OPRM1: variants seen among roughly 807,000 people sequenced by gnomAD.
The protein encoded by OPRM1 is mu-type opioid receptor.
In OPRM1, 27 loss-of-function variants were observed where a neutral mutation model predicts 31.8. The ratio of observed to expected loss-of-function variants is 0.85; its 90% CI spans 0.63 to 1.17. The LOEUF (loss-of-function observed/expected upper bound fraction) is 1.17. OPRM1 is among the 50% of genes most tolerant of loss of function. OPRM1 has a pLI of 0.00. For synonymous variants in OPRM1, 196 were observed against 189.9 expected (o/e 1.03, Z -0.26); for missense variants, 536 against 511.1 (o/e 1.05, Z -0.47).
At chr6:154,152,354 A>G (rs1256183770) in intron 3 of OPRM1, among the ~76,000 whole-genome samples, 1 of 147,116 alleles carries the variant, frequency 6.8e-6, no homozygotes, top group Admixed American at 6.7e-5. Context: ...AAAGGAAAGA[A>G]AGAAAGAAAG....
chr6:154,213,422 C>A (rs1778128059), intron 3 of OPRM1: 1 of 153,916 alleles, frequency 6.5e-6, no homozygotes, highest in East Asian at 1.9e-4. Context: ...TATAAATAGA[C>A]AATGGGTACT....
intron 3 of OPRM1, among the ~76,000 whole-genome samples, chr6:154,178,226 C>T (rs141303813): frequency 0.041 from 6,280 of 152,108 alleles, 429 homozygotes; most frequent in African/African-American, 0.14. Flanking sequence ...CACCATGGCA[C>T]ATGTATACCT....
In OPRM1 at chr6:154,192,878, G is replaced by C. The variant is rs762220471; in HGVS notation, c.1165-53815G>C. 4.8e-4 allele frequency among the ~76,000 whole-genome samples: 73 copies of C among 152,168 alleles called. 1 individual carries two copies. The highest frequency in any genetic ancestry group is 2.9e-3 in the Admixed American group (44 of 15,280). ...TAACTAAAAAATAATAGATGTTGGT[G>C]TGGAGGTGGTGAACAGGGATCACTT... On this transcript the variant is annotated intron_variant, in intron 3 of 3. Transcript: ENST00000337049.
At chr6:154,020,755 C>T (rs1005328911) in intron 1 of OPRM1, among the ~76,000 whole-genome samples, 3 of 152,076 alleles carry the variant, frequency 2.0e-5, no homozygotes, top group African/African-American at 4.8e-5. Context: ...AGTGGTATCT[C>T]GTTTTAATTT....
At chr6:154,067,117 A>T (rs1189037643) in intron 1 of OPRM1, among the ~76,000 whole-genome samples, 2 of 151,364 alleles carry the variant, frequency 1.3e-5, no homozygotes, top group Admixed American at 1.3e-4. Context: ...TTTTTGGAAA[A>T]CCAATTTTTG....
At chr6:154,061,794 TG>T (rs781162464) in intron 1 of OPRM1, among the ~76,000 whole-genome samples, 15 of 150,802 alleles carry the variant, frequency 9.9e-5, no homozygotes, top group Non-Finnish European at 1.8e-4. Flanking sequence ...GTAATAAACC[TG>T]CACATGTACT....
At chr6:154,152,812 C>T (rs1798575273) in intron 3 of OPRM1, among the ~76,000 whole-genome samples, 1 of 152,078 alleles carries the variant, frequency 6.6e-6, no homozygotes, top group South Asian at 2.1e-4. Flanking sequence ...TCACTGTAGC[C>T]CCGAACTCCT....
Position 154,152,338 on chromosome 6 carries a change from AG to A in OPRM1, c.1164+60867del, listed in dbSNP as rs1562510650. On this transcript the variant is annotated intron_variant, in intron 3 of 3. Coordinates refer to the OPRM1 transcript ENST00000337049. ...AAGAAAGAAAGAAAGAAAGAAAGAA[AG>A]AAAGAAAGGAAAGAAAGAAAGAAAG... Among the ~76,000 whole-genome samples the A allele has an allele frequency of 8.7e-4, 17 of 19,462 alleles. 1 individual carries two copies. Among genetic ancestry groups the A allele is most frequent in the East Asian group, 3.9e-3 (1 of 256 alleles). 12.8% of individuals were successfully genotyped at this position (19,462 alleles called of 152,430 possible). A position where few individuals can be genotyped will look rare whatever the true frequency, so the allele number is the denominator to read the frequency against.
chr6:154,188,845 A>G (rs1801612712), intron 3 of OPRM1, among the ~76,000 whole-genome samples: 1 of 152,232 alleles, frequency 6.6e-6, no homozygotes, highest in Non-Finnish European at 1.5e-5. Flanking sequence ...CATTCATGGA[A>G]CACATCAAAA....
chr6:154,116,683 G>T (rs1399021304), intron 3 of OPRM1, among the ~76,000 whole-genome samples: 1 of 151,920 alleles, frequency 6.6e-6, no homozygotes, highest in Non-Finnish European at 1.5e-5. Flanking sequence ...AAACCTTATT[G>T]TGGGACATGA....
intron 1 of OPRM1, among the ~76,000 whole-genome samples, chr6:154,018,481 AT>A (rs1250187878): frequency 2.7e-5 from 4 of 147,850 alleles, no homozygotes; most frequent in African/African-American, 1.0e-4. Context: ...GTTCTTTCTC[AT>A]TTTCTATTGT....
intron 3 of OPRM1, among the ~76,000 whole-genome samples, chr6:154,173,338 T>A (rs1247447733): frequency 6.6e-6 from 1 of 152,092 alleles, no homozygotes; most frequent in East Asian, 1.9e-4. Flanking sequence ...TTGACAGAAG[T>A]AGGCTTCAGA....
intron 3 of OPRM1, among the ~76,000 whole-genome samples, chr6:154,206,231 A>G (rs1228178342): frequency 6.6e-6 from 1 of 152,232 alleles, no homozygotes. Context: ...AGCTATGTGT[A>G]TTTCTCTGGA....
Position 154,132,114 on chromosome 6 carries a change from GGT to G in OPRM1, c.*13394_*13395del, listed in dbSNP as rs1374667368. The stretch of plus-strand genomic sequence containing the variant: ...AAAGAACTACCTGCTAAATCATAAT[GGT>G]CTCATGTGCAGATCAAAATGTCAAC... On this transcript the variant is annotated 3_prime_UTR_variant, in exon 4 of 4. Coordinates refer to ENST00000330432, the MANE Select transcript of OPRM1 (RefSeq NM_000914.5). Among the ~76,000 whole-genome samples the G allele has an allele frequency of 1.3e-5, 2 of 151,966 alleles. No individual in the cohort carries two copies. The highest frequency in any genetic ancestry group is 4.8e-5 in the African/African-American group (2 of 41,400).
rs180896076 is a variant in OPRM1 at position 154,107,254 on chromosome 6, G to A, written c.1165-11429G>A. Among the ~76,000 whole-genome samples the A allele has an allele frequency of 1.9e-3, 295 of 152,262 alleles. 1 individual carries two copies. The highest frequency in any genetic ancestry group is 3.3e-3 in the Non-Finnish European group (222 of 68,016). On this transcript the variant is annotated intron_variant, in intron 3 of 3. Transcript: ENST00000330432. Reference sequence around the variant, plus strand: ...CAGACTGTTAAGAGTTTGAATGTCCGCTTTTAATTAAACTGATTTTAACCA... The same window carrying A: ...CAGACTGTTAAGAGTTTGAATGTCCACTTTTAATTAAACTGATTTTAACCA...
intron 1 of OPRM1, chr6:154,087,466 G>T (rs1281979035): frequency 6.1e-6 from 6 of 985,288 alleles, no homozygotes; most frequent in Non-Finnish European, 7.2e-6. Flanking sequence ...CCCAAGGAGG[G>T]CCTGGCTTCA....
At chr6:154,013,386 C>T (rs1157239344) in intron 1 of OPRM1, among the ~76,000 whole-genome samples, 4 of 152,138 alleles carry the variant, frequency 2.6e-5, no homozygotes, top group South Asian at 2.1e-4. Flanking sequence ...TAAGCAATGT[C>T]ATTCAAGTGC....
intron 3 of OPRM1, among the ~76,000 whole-genome samples, chr6:154,166,913 G>A (rs1239965719): frequency 6.6e-6 from 1 of 152,146 alleles, no homozygotes; most frequent in Non-Finnish European, 1.5e-5. Context: ...AAATAAGAGT[G>A]AATTTCTCTG....
At chr6:154,047,555 C>A (rs1270866012) in intron 1 of OPRM1, among the ~76,000 whole-genome samples, 1 of 152,110 alleles carries the variant, frequency 6.6e-6, no homozygotes, top group African/African-American at 2.4e-5. Flanking sequence ...TATTCCAAAT[C>A]TGATGCAAAG....
Sources: gnomAD v4.1 joint callset for allele counts (sites outside exome capture counted in the v4.1 genomes callset) on GRCh38, gnomAD v4.1.1 for gene constraint, MANE v1.5 for transcripts, NCBI Gene and HGNC (gene_info 2026-07-23, HGNC 2026-07-21) for gene names.